The following PTPRD variants were observed in gnomAD, a reference collection of about 807,000 sequenced individuals.
PTPRD encodes the protein receptor-type tyrosine-protein phosphatase delta.
In PTPRD, 34 loss-of-function variants were observed where a neutral mutation model predicts 214.5. The ratio of observed to expected loss-of-function variants is 0.16; its 90% CI spans 0.12 to 0.21. The LOEUF (loss-of-function observed/expected upper bound fraction) is 0.21, where lower values mean the gene tolerates loss of function less well. Among genes scored for constraint, PTPRD ranks in the 10% least tolerant of loss-of-function variants. The pLI is 1.00. For missense variants in PTPRD, 2,545 were observed against 2,398.7 expected (o/e 1.06, Z -1.27); for synonymous variants, 1,128 against 845.7 (o/e 1.33, Z -5.79).
In PTPRD at chr9:10,589,677, G is replaced by A. The variant is rs572091705; in HGVS notation, c.-600+22721C>T. Reference sequence around the variant, plus strand: ...CTTTGACCCAGCAAATTCCTGACACGAGACAGCAGAAACTGATGGATACAG... The same window carrying A: ...CTTTGACCCAGCAAATTCCTGACACAAGACAGCAGAAACTGATGGATACAG... On this transcript the variant is annotated intron_variant, in intron 2 of 45. Transcript: ENST00000381196. Among the ~76,000 whole-genome samples, 4 of 152,062 alleles carry A rather than the reference G, an allele frequency of 2.6e-5. No homozygotes were observed. In the South Asian group the frequency reaches 6.2e-4, roughly 24 times the overall value.
intron 4 of PTPRD, among the ~76,000 whole-genome samples, chr9:9,954,244 G>A (rs534054513): frequency 1.4e-4 from 18 of 126,176 alleles, no homozygotes; most frequent in African/African-American, 5.5e-4. Flanking sequence ...AGTGAGCCAA[G>A]ACTGTGCCAC....
chr9:8,925,170 C>G (rs1208959362), intron 11 of PTPRD, among the ~76,000 whole-genome samples: 1 of 152,072 alleles, frequency 6.6e-6, no homozygotes, highest in Non-Finnish European at 1.5e-5. Flanking sequence ...CTCCCTGACT[C>G]TAATTACTCC....
chr9:8,883,383 C>A (rs1335624816), intron 11 of PTPRD, among the ~76,000 whole-genome samples: 1 of 152,160 alleles, frequency 6.6e-6, no homozygotes. Context: ...AGCACAAATG[C>A]CTAGACACTT....
At chr9:9,579,388 G>C (rs140307195) in intron 7 of PTPRD, among the ~76,000 whole-genome samples, 1 of 152,088 alleles carries the variant, frequency 6.6e-6, no homozygotes, top group African/African-American at 2.4e-5. Context: ...TATATCCAAG[G>C]ACAGAGAGCT....
At chr9:8,929,755 A>ATATATGTGTGTATATATATGTG (rs1285445116) in intron 11 of PTPRD, among the ~76,000 whole-genome samples, 24 of 58,066 alleles carry the variant, frequency 4.1e-4, no homozygotes, top group Middle Eastern at 9.1e-3. Flanking sequence ...GTATATATAT[A>ATATATGTGTGTATATATATGTG]TGTATATATA....
chr9:9,159,590 C>A (rs1220883265), intron 10 of PTPRD, among the ~76,000 whole-genome samples: 7 of 152,090 alleles, frequency 4.6e-5, no homozygotes, highest in Non-Finnish European at 1.0e-4. Flanking sequence ...ATCCTGTGTT[C>A]ATGGATTGGA....
chr9:9,355,216 T>A (rs933504621), intron 9 of PTPRD, among the ~76,000 whole-genome samples: 4 of 151,670 alleles, frequency 2.6e-5, no homozygotes, highest in Non-Finnish European at 4.4e-5. Context: ...GGTTTTTATA[T>A]ACCAATTATA....
intron 9 of PTPRD, among the ~76,000 whole-genome samples, chr9:9,227,875 C>A (rs1210858457): frequency 6.6e-6 from 1 of 152,094 alleles, no homozygotes; most frequent in Non-Finnish European, 1.5e-5. Flanking sequence ...TAATGAGGGA[C>A]CCAGAGCCAG....
chr9:9,904,423 G>A (rs545504350), intron 5 of PTPRD, among the ~76,000 whole-genome samples: 68 of 152,106 alleles, frequency 4.5e-4, no homozygotes, highest in Middle Eastern at 6.8e-3. Context: ...TGAAATCTTT[G>A]TACTGTTATT....
At chr9:8,613,595 G>A (rs1265356762) in intron 14 of PTPRD, among the ~76,000 whole-genome samples, 1 of 152,062 alleles carries the variant, frequency 6.6e-6, no homozygotes, top group Non-Finnish European at 1.5e-5. Flanking sequence ...AGCACCCCCA[G>A]AAAATGATCA....
At chr9:10,263,528 G>A (rs535542571) in intron 3 of PTPRD, among the ~76,000 whole-genome samples, 1 of 152,138 alleles carries the variant, frequency 6.6e-6, no homozygotes, top group Non-Finnish European at 1.5e-5. Flanking sequence ...AAAGACTGGT[G>A]ACATTTTGTC....
intron 9 of PTPRD, among the ~76,000 whole-genome samples, chr9:9,239,352 A>C (rs541452381): frequency 1.3e-5 from 2 of 152,168 alleles, no homozygotes; most frequent in Admixed American, 6.6e-5. Context: ...CTGAATTGTC[A>C]GCATCAAATA....
chr9:9,348,959 G>C (rs1358995323), intron 9 of PTPRD, among the ~76,000 whole-genome samples: 1 of 151,956 alleles, frequency 6.6e-6, no homozygotes, highest in Non-Finnish European at 1.5e-5. Context: ...TATTTTAATA[G>C]GAAGTAGTGT....
At chr9:8,327,809 C>G (rs1385533127) in intron 44 of PTPRD, among the ~76,000 whole-genome samples, 1 of 151,760 alleles carries the variant, frequency 6.6e-6, no homozygotes, top group Admixed American at 6.6e-5. Context: ...GGTTTAAAGT[C>G]CGTTTTATCA....
intron 11 of PTPRD, among the ~76,000 whole-genome samples, chr9:8,737,629 A>G: frequency 6.6e-6 from 1 of 151,930 alleles, no homozygotes; most frequent in Non-Finnish European, 1.5e-5. Context: ...AGCAGAAGCC[A>G]ACCCTTTGAT....
intron 4 of PTPRD, among the ~76,000 whole-genome samples, chr9:10,010,105 A>G (rs2096565553): frequency 1.3e-5 from 2 of 151,848 alleles, no homozygotes; most frequent in Non-Finnish European, 2.9e-5. Context: ...GAACAATCTA[A>G]TCGGTTGGTA....
intron 5 of PTPRD, among the ~76,000 whole-genome samples, chr9:9,922,535 C>A (rs181121090): frequency 6.6e-6 from 1 of 151,880 alleles, no homozygotes; most frequent in Non-Finnish European, 1.5e-5. Flanking sequence ...TTGAGACCTA[C>A]AGTAACAACT....
At chr9:10,603,936 G>C (rs907672396) in intron 2 of PTPRD, among the ~76,000 whole-genome samples, 5 of 151,904 alleles carry the variant, frequency 3.3e-5, no homozygotes, top group Admixed American at 2.6e-4. Flanking sequence ...GGATGAATGA[G>C]TTGTAAGAGA....
At chr9:8,958,054 G>A (rs948627886) in intron 11 of PTPRD, among the ~76,000 whole-genome samples, 1 of 151,884 alleles carries the variant, frequency 6.6e-6, no homozygotes, top group Non-Finnish European at 1.5e-5. Flanking sequence ...CTAATCATTT[G>A]TTCTGTAAAT....
Sources: gnomAD v4.1 joint callset for allele counts (sites outside exome capture counted in the v4.1 genomes callset) on GRCh38, gnomAD v4.1.1 for gene constraint, MANE v1.5 for transcripts, NCBI Gene and HGNC (gene_info 2026-07-23, HGNC 2026-07-21) for gene names.